The following LMX1A variants were observed in gnomAD, a reference collection of about 807,000 sequenced individuals.
LMX1A encodes LIM homeobox transcription factor 1 alpha.
In LMX1A, 15 loss-of-function variants were observed where a neutral mutation model predicts 49.1. The ratio of observed to expected loss-of-function variants is 0.31; its 90% CI spans 0.20 to 0.47. The LOEUF (loss-of-function observed/expected upper bound fraction) is 0.47. Ranked by LOEUF, LMX1A falls within the 20% of genes least tolerant of loss-of-function variation. LMX1A has a pLI of 1.00. For missense variants in LMX1A, 372 were observed against 475.8 expected (o/e 0.78, Z 2.03); for synonymous variants, 167 against 185.7 (o/e 0.90, Z 0.82).
At chr1:165,281,362 G>T (rs1229170876) in intron 3 of LMX1A, among the ~76,000 whole-genome samples, 4 of 152,194 alleles carry the variant, frequency 2.6e-5, no homozygotes, top group African/African-American at 2.4e-5. Context: ...ACAGACCAGG[G>T]CTTCCATCAG....
intron 4 of LMX1A, among the ~76,000 whole-genome samples, chr1:165,245,821 C>T (rs556305433): frequency 6.6e-6 from 1 of 152,166 alleles, no homozygotes; most frequent in East Asian, 1.9e-4. Flanking sequence ...TTTCATCTTG[C>T]TGTCTTTGCG....
At chr1:165,313,419 T>C (rs1219647924) in intron 3 of LMX1A, among the ~76,000 whole-genome samples, 1 of 151,848 alleles carries the variant, frequency 6.6e-6, no homozygotes, top group Admixed American at 6.5e-5. Context: ...CATGAACCAT[T>C]CTTTAAAATG....
At chr1:165,353,379 C>T (rs1656493043) in intron 2 of LMX1A, 117 bp from the exon 3 acceptor site, 2 of 777,586 alleles carry the variant, frequency 2.6e-6, no homozygotes, top group Admixed American at 5.7e-5. Context: ...CGCCCCCCAC[C>T]CCAGGGAACT....
At chr1:165,234,790 G>A (rs928914948) in intron 4 of LMX1A, among the ~76,000 whole-genome samples, 1 of 152,166 alleles carries the variant, frequency 6.6e-6, no homozygotes, top group Non-Finnish European at 1.5e-5. Flanking sequence ...GATCTAGTGA[G>A]GATTTTCTGC....
chr1:165,281,746 A>ATGTGTGTG (rs56913866), intron 3 of LMX1A, among the ~76,000 whole-genome samples: 1,489 of 125,932 alleles, frequency 0.012, 20 homozygotes, highest in African/African-American at 0.036. Context: ...GTGTGTGTGT[A>ATGTGTGTG]TGTGTGTGTG....
chr1:165,253,734 G>A (rs1571180867), intron 3 of LMX1A, among the ~76,000 whole-genome samples: 1 of 152,170 alleles, frequency 6.6e-6, no homozygotes, highest in Non-Finnish European at 1.5e-5. Flanking sequence ...CTCAGCTTCA[G>A]AAAGGAAGTG....
At chr1:165,208,644 A>G (rs753085017) in intron 6 of LMX1A, among the ~76,000 whole-genome samples, 1 of 151,756 alleles carries the variant, frequency 6.6e-6, no homozygotes, top group Non-Finnish European at 1.5e-5. Context: ...ATAGTTTTTT[A>G]TTTTTTATTT....
chr1:165,244,163 G>C (rs1652760835), intron 4 of LMX1A, among the ~76,000 whole-genome samples: 2 of 152,328 alleles, frequency 1.3e-5, no homozygotes, highest in Non-Finnish European at 2.9e-5. Context: ...GAGGTTCCTG[G>C]AGGGGTGCAT....
rs1453427299 is a variant in LMX1A at position 165,302,481 on chromosome 1, A to C, written c.263+50595T>G. Among the ~76,000 whole-genome samples, 14 of 152,068 alleles carry C rather than the reference A, an allele frequency of 9.2e-5. 1 individual carries two copies. Among genetic ancestry groups the C allele is most frequent in the Non-Finnish European group, 2.9e-5 (2 of 68,002 alleles). On this transcript the variant is annotated intron_variant, in intron 3 of 8. Transcript: ENST00000342310. ...AAAATAAAGGAAAAAAAAGAAAGAA[A>C]AGAAAAGAAAGCAGAGAATGTTCTG...
intron 4 of LMX1A, among the ~76,000 whole-genome samples, chr1:165,230,351 A>C (rs1557856709): frequency 1.3e-5 from 2 of 152,326 alleles, no homozygotes; most frequent in East Asian, 3.9e-4. Flanking sequence ...TAATTTTATT[A>C]TAGTGGTTTA....
At chr1:165,296,441 T>C (rs1420729068) in intron 3 of LMX1A, among the ~76,000 whole-genome samples, 1 of 152,242 alleles carries the variant, frequency 6.6e-6, no homozygotes, top group Non-Finnish European at 1.5e-5. Context: ...AGAGGCACCA[T>C]CATACCCTGC....
At chr1:165,229,166 TC>T (rs1652154036) in intron 4 of LMX1A, among the ~76,000 whole-genome samples, 1 of 151,740 alleles carries the variant, frequency 6.6e-6, no homozygotes, top group African/African-American at 2.4e-5. Flanking sequence ...TACAATGCCT[TC>T]CCACCACATC....
At chr1:165,244,541 G>A (rs929504391) in intron 4 of LMX1A, among the ~76,000 whole-genome samples, 3 of 152,144 alleles carry the variant, frequency 2.0e-5, no homozygotes, top group African/African-American at 7.2e-5. Flanking sequence ...GTCCACTGGA[G>A]AATTGCTTGG....
intron 3 of LMX1A, among the ~76,000 whole-genome samples, chr1:165,296,979 G>T (rs746731166): frequency 6.6e-6 from 1 of 152,210 alleles, no homozygotes; most frequent in Non-Finnish European, 1.5e-5. Context: ...AGGAAGGTCC[G>T]CAAACTCCTA....
intron 3 of LMX1A, 134 bp from the exon 4 acceptor site, chr1:165,249,774 C>A: frequency 1.5e-6 from 1 of 669,010 alleles, no homozygotes; most frequent in East Asian, 2.7e-5. Context: ...TACTTTAAAT[C>A]CAGGTTATTT....
intron 3 of LMX1A, among the ~76,000 whole-genome samples, chr1:165,313,369 C>A (rs1655127990): frequency 6.6e-6 from 1 of 152,042 alleles, no homozygotes; most frequent in African/African-American, 2.4e-5. Context: ...CACTCCTTAC[C>A]TGATATTTCA....
At position 165,202,411 on chromosome 1, in the gene LMX1A, A is replaced by T. The variant is rs1455333818; in HGVS notation, c.*1469T>A. The T allele has an allele frequency of 2.6e-5, 4 of 152,554 alleles. No individual in the cohort carries two copies. Among genetic ancestry groups the T allele is most frequent in the Non-Finnish European group, 2.9e-5 (2 of 68,052 alleles). The allele number at this position is 152,554 out of a possible 1,614,324, so 9.5% of individuals were successfully genotyped here. On this transcript the variant is annotated 3_prime_UTR_variant, in exon 9 of 9. Coordinates refer to ENST00000342310, the MANE Select transcript of LMX1A (RefSeq NM_177398.4). ...TTGGAAGGAAGAGCCAAGGGTTTCC[A>T]CTGGAACCTTCTGCCTCTATGAGCG...
chr1:165,352,906 C>T (rs1385543643), intron 3 of LMX1A, among the ~76,000 whole-genome samples, 170 bp downstream of exon 3: 1 of 152,284 alleles, frequency 6.6e-6, no homozygotes, highest in Non-Finnish European at 1.5e-5. Context: ...GATCTCTGCC[C>T]TACCACCTTC....
At chr1:165,281,066 C>T (rs1050801195) in intron 3 of LMX1A, among the ~76,000 whole-genome samples, 1 of 152,186 alleles carries the variant, frequency 6.6e-6, no homozygotes, top group South Asian at 2.1e-4. Context: ...GTCCTACTGA[C>T]ACTCCTTGCT....
Sources: allele counts gnomAD v4.1 joint callset (sites outside exome capture counted in the v4.1 genomes callset), GRCh38; gene constraint gnomAD v4.1.1; transcripts MANE v1.5; gene names NCBI Gene and HGNC (gene_info 2026-07-23, HGNC 2026-07-21).